The following HECW1 variants were observed in gnomAD, a reference collection of about 807,000 sequenced individuals.
HECW1 encodes E3 ubiquitin-protein ligase HECW1.
Under a neutral mutation model 182.3 loss-of-function variants are expected in HECW1, and 61 were observed. The observed-to-expected ratio is 0.33, with a 90% CI of 0.27 to 0.41. HECW1 has a LOEUF of 0.41. Among genes scored for constraint, HECW1 ranks in the 10% least tolerant of loss-of-function variants. The probability of loss-of-function intolerance (pLI) is 1.00; values close to 1 mark genes in which losing one functional copy is unlikely to be tolerated. For synonymous variants in HECW1, 859 were observed against 832.6 expected (o/e 1.03, Z -0.55); for missense variants, 1,739 against 2,108.9 (o/e 0.82, Z 3.44).
intron 2 of HECW1, among the ~76,000 whole-genome samples, chr7:43,232,162 G>A (rs1177122765): frequency 6.6e-6 from 1 of 151,990 alleles, no homozygotes; most frequent in Non-Finnish European, 1.5e-5. Flanking sequence ...AGAAAAAGTA[G>A]AGGACCTGGT....
chr7:43,280,692 G>A (rs1179467735), intron 3 of HECW1, among the ~76,000 whole-genome samples: 1 of 152,186 alleles, frequency 6.6e-6, no homozygotes, highest in Non-Finnish European at 1.5e-5. Context: ...ATCTGAAATG[G>A]ATCTCGGCTC....
chr7:43,516,081 C>T (rs2080133805), intron 24 of HECW1, among the ~76,000 whole-genome samples: 1 of 152,222 alleles, frequency 6.6e-6, no homozygotes, highest in African/African-American at 2.4e-5. Context: ...AATTTTCCAA[C>T]TTAACATCTT....
intron 5 of HECW1, among the ~76,000 whole-genome samples, chr7:43,353,403 A>G (rs886629793): frequency 6.6e-6 from 1 of 152,162 alleles, no homozygotes; most frequent in African/African-American, 2.4e-5. Flanking sequence ...TTTGCCAACA[A>G]CTTCTCAGAA....
intron 5 of HECW1, among the ~76,000 whole-genome samples, chr7:43,325,770 G>A (rs73092853): frequency 1.3e-5 from 2 of 152,116 alleles, no homozygotes; most frequent in East Asian, 1.9e-4. Flanking sequence ...CTCACCTCCC[G>A]GGTCAGTCTT....
At chr7:43,183,137 T>C (rs1037234987) in intron 2 of HECW1, among the ~76,000 whole-genome samples, 1 of 152,204 alleles carries the variant, frequency 6.6e-6, no homozygotes, top group Non-Finnish European at 1.5e-5. Flanking sequence ...GAAAAAGGCA[T>C]ATAAGATATA....
At chr7:43,125,115 G>C (rs1362186990) in intron 2 of HECW1, among the ~76,000 whole-genome samples, 2 of 152,180 alleles carry the variant, frequency 1.3e-5, no homozygotes, top group Non-Finnish European at 2.9e-5. Flanking sequence ...TTGGTGGAAA[G>C]AGGGCTAGGG....
At chr7:43,159,687 T>G (rs963201591) in intron 2 of HECW1, among the ~76,000 whole-genome samples, 2 of 149,578 alleles carry the variant, frequency 1.3e-5, no homozygotes, top group African/African-American at 4.9e-5. Context: ...TCTTTTTTTT[T>G]TTTTTTTTTT....
chr7:43,247,772 AAAG>A (rs1383181244), intron 3 of HECW1, among the ~76,000 whole-genome samples: 43 of 133,332 alleles, frequency 3.2e-4, no homozygotes, highest in Middle Eastern at 4.0e-3. Context: ...AGAGAGGAAA[AAAG>A]AGAGAGAAAA....
At chr7:43,361,015 ACT>A (rs1562885001) in intron 6 of HECW1, 35 bp downstream of exon 6, 1 of 1,423,234 alleles carries the variant, frequency 7.0e-7, no homozygotes, top group Non-Finnish European at 9.7e-7. Flanking sequence ...GTTAGACCTA[ACT>A]CTGGTCTTTC....
intron 3 of HECW1, among the ~76,000 whole-genome samples, chr7:43,287,185 G>A (rs899049043): frequency 1.2e-4 from 19 of 152,170 alleles, no homozygotes; most frequent in African/African-American, 4.3e-4. Context: ...AAATAATACA[G>A]GGAATAGGGA....
chr7:43,215,415 T>C (rs1796357781), intron 2 of HECW1, among the ~76,000 whole-genome samples: 1 of 152,272 alleles, frequency 6.6e-6, no homozygotes, highest in African/African-American at 2.4e-5. Context: ...ATGCTATGGA[T>C]TCCACTGTTG....
chr7:43,442,697 A>G, intron 10 of HECW1, 68 bp downstream of exon 10: 1 of 1,040,614 alleles, frequency 9.6e-7, no homozygotes, highest in Non-Finnish European at 1.5e-6. Context: ...TTTTTCTAAA[A>G]TACAATAACT....
chr7:43,429,949 C>T (rs571325951), intron 8 of HECW1, among the ~76,000 whole-genome samples: 26 of 152,348 alleles, frequency 1.7e-4, no homozygotes, highest in Admixed American at 8.5e-4. Context: ...TCCTCCACAT[C>T]ATGAGGTATC....
chr7:43,132,166 GC>G (rs201264544), intron 2 of HECW1, among the ~76,000 whole-genome samples: 1 of 141,958 alleles, frequency 7.0e-6, no homozygotes, highest in Non-Finnish European at 1.5e-5. Flanking sequence ...CCCTCACAGC[GC>G]CCCCCCGCCC....
At chr7:43,340,161 A>C in intron 5 of HECW1, among the ~76,000 whole-genome samples, 1 of 150,418 alleles carries the variant, frequency 6.6e-6, no homozygotes, top group Non-Finnish European at 1.5e-5. Context: ...CTGTAGAAGC[A>C]TTCATGTGCT....
chr7:43,442,538 G>T lies in HECW1; in HGVS notation c.954G>T (p.Val318=). 6.2e-7 allele frequency: 1 copy of T among 1,611,554 alleles called. No individual in the cohort carries two copies. Among genetic ancestry groups the T allele is most frequent in the South Asian group, 1.1e-5 (1 of 90,890 alleles). ...LLERHAIGDR[V]VSYTLGRRLP... is the part of the protein sequence containing the mutation. The stretch of plus-strand genomic sequence containing the variant: ...GCTTATTTCCTTCTAGGGATAGGGT[G>T]GTCAGCTACACACTTGGCCGCAGGC... The change falls in exon 10 of 30, where the codon GTG becomes GTT. Residue 318 remains valine (V), a synonymous_variant. Coordinates refer to ENST00000395891, the MANE Select transcript of HECW1 (RefSeq NM_015052.5).
intron 2 of HECW1, among the ~76,000 whole-genome samples, chr7:43,146,835 C>T (rs1251386566): frequency 2.0e-5 from 3 of 152,142 alleles, no homozygotes; most frequent in Non-Finnish European, 4.4e-5. Flanking sequence ...CAGCTCATGG[C>T]CCATTAGTGT....
chr7:43,203,418 A>G (rs908997867), intron 2 of HECW1, among the ~76,000 whole-genome samples: 1 of 152,008 alleles, frequency 6.6e-6, no homozygotes, highest in Non-Finnish European at 1.5e-5. Context: ...AGATTACTGA[A>G]CAAAGGATAA....
intron 2 of HECW1, among the ~76,000 whole-genome samples, chr7:43,140,003 T>A (rs890217531): frequency 6.6e-6 from 1 of 152,260 alleles, no homozygotes; most frequent in Non-Finnish European, 1.5e-5. Context: ...AGTGCCTAGC[T>A]AGATAAGAAA....
Sources: allele counts gnomAD v4.1 joint callset (sites outside exome capture counted in the v4.1 genomes callset), GRCh38; gene constraint gnomAD v4.1.1; transcripts MANE v1.5; gene names NCBI Gene and HGNC (gene_info 2026-07-23, HGNC 2026-07-21).